Variants in RAD54B observed in about 807,000 individuals in gnomAD.
The protein encoded by RAD54B is RAD54 homolog B.
RAD54B carries 78 observed loss-of-function variants against 95.8 expected under a neutral mutation model. That is an observed-to-expected ratio of 0.81 (90% CI 0.68 to 0.98). The LOEUF (loss-of-function observed/expected upper bound fraction) is 0.98. RAD54B is among the 50% of genes least tolerant of loss of function. RAD54B has a pLI of 0.00. For missense variants in RAD54B, 957 were observed against 1,056.6 expected (o/e 0.91, Z 1.31); for synonymous variants, 328 against 354.9 (o/e 0.92, Z 0.85).
intron 11 of RAD54B, among the ~76,000 whole-genome samples, chr8:94,381,909 A>C (rs1361509106): frequency 6.6e-6 from 1 of 151,978 alleles, no homozygotes; most frequent in Admixed American, 6.6e-5. Flanking sequence ...GTCAGAAGAT[A>C]GAGACCATCC....
chr8:94,443,487 A>G (rs1812448023), intron 3 of RAD54B, among the ~76,000 whole-genome samples: 1 of 152,092 alleles, frequency 6.6e-6, no homozygotes, highest in Admixed American at 6.5e-5. Flanking sequence ...TAAGAAAAAT[A>G]ATAATAGTAA....
intron 10 of RAD54B, among the ~76,000 whole-genome samples, chr8:94,389,648 A>T (rs1810968852): frequency 6.6e-6 from 1 of 152,226 alleles, no homozygotes; most frequent in Non-Finnish European, 1.5e-5. Context: ...TAACATCTTA[A>T]TTGAACTTGG....
chr8:94,427,015 T>C (rs558135625), intron 3 of RAD54B, among the ~76,000 whole-genome samples: 10 of 152,150 alleles, frequency 6.6e-5, no homozygotes, highest in Non-Finnish European at 1.2e-4. Flanking sequence ...AGCAAAACAT[T>C]AATTGCAGAA....
At chr8:94,471,061 A>G (rs908563258) in intron 1 of RAD54B, among the ~76,000 whole-genome samples, 2 of 152,070 alleles carry the variant, frequency 1.3e-5, no homozygotes, top group African/African-American at 4.8e-5. Context: ...AGCCCTCTTC[A>G]TCTCCTCCCA....
At chr8:94,461,641 T>C (rs1185111490) in intron 2 of RAD54B, among the ~76,000 whole-genome samples, 2 of 152,216 alleles carry the variant, frequency 1.3e-5, no homozygotes, top group African/African-American at 4.8e-5. Flanking sequence ...TTCAAATTCA[T>C]GGTAACATTC....
chr8:94,454,908 T>A (rs1812746347), intron 3 of RAD54B, among the ~76,000 whole-genome samples: 1 of 152,138 alleles, frequency 6.6e-6, no homozygotes, highest in African/African-American at 2.4e-5. Context: ...TAAGAAACAT[T>A]TAGCTAACTT....
Position 94,469,290 on chromosome 8 carries a change from G to A in RAD54B, c.-16-1735C>T, listed in dbSNP as rs75428867. Among the ~76,000 whole-genome samples the A allele has an allele frequency of 5.5e-3, 835 of 152,214 alleles. 8 individuals carry two copies. Among genetic ancestry groups the A allele is most frequent in the African/African-American group, 0.019 (801 of 41,518 alleles). ...CATGTCAAGGGCAGGGCCTATTCTC[G>A]TGGTAGTGACTAAGTCTCACGAGAT... On this transcript the variant is annotated intron_variant, in intron 1 of 14. Transcript: ENST00000336148.
At chr8:94,460,917 CTTATAA>C (rs939672574) in intron 2 of RAD54B, among the ~76,000 whole-genome samples, 1 of 152,074 alleles carries the variant, frequency 6.6e-6, no homozygotes, top group Non-Finnish European at 1.5e-5. Flanking sequence ...TCTAAGGACA[CTTATAA>C]TTATAATGGG....
chr8:94,380,424 A>G lies in RAD54B; in HGVS notation c.1986-18T>C. On this transcript the variant is annotated intron_variant, in intron 11 of 14. Coordinates refer to ENST00000336148, the MANE Select transcript of RAD54B (RefSeq NM_012415.3). ...ACACCACCCTGTCAATCAAAAAGAA[A>G]GATTCTTTAGATAAATTTAAAGGCA... The G allele has an allele frequency of 1.3e-6, 2 of 1,562,860 alleles. No individual in the cohort carries two copies. Among genetic ancestry groups the G allele is most frequent in the Non-Finnish European group, 1.7e-6 (2 of 1,155,602 alleles).
chr8:94,446,925 T>A (rs1812536240), intron 3 of RAD54B, among the ~76,000 whole-genome samples: 1 of 150,678 alleles, frequency 6.6e-6, no homozygotes, highest in African/African-American at 2.5e-5. Context: ...AAGGGGCACA[T>A]AAGATTATGT....
intron 3 of RAD54B, among the ~76,000 whole-genome samples, chr8:94,453,371 A>C (rs1259321550): frequency 6.6e-6 from 1 of 152,156 alleles, no homozygotes; most frequent in East Asian, 1.9e-4. Context: ...TCTACTAAAA[A>C]TACAAAAAAA....
chr8:94,430,895 T>C (rs1352749580), intron 3 of RAD54B: 1 of 985,286 alleles, frequency 1.0e-6, no homozygotes, highest in East Asian at 1.1e-4. Context: ...CTCTCTACAT[T>C]CACTTAAAAT....
At position 94,386,970 on chromosome 8, in the gene RAD54B, T is replaced by C. The variant is rs745868273; in HGVS notation, c.1985+14A>G. The C allele has an allele frequency of 1.1e-5, 17 of 1,578,932 alleles. No individual in the cohort carries two copies. The Middle Eastern group carries it at 6.7e-4, about 63-fold the overall frequency. ...ACTCTATGAGCACTTATAAGTTTGT[T>C]AAATCGATCTTACTTTTCAGTAGGT... On this transcript the variant is annotated intron_variant, in intron 11 of 14. Transcript: ENST00000336148.
chr8:94,418,691 G>A (rs1049196537), intron 3 of RAD54B, among the ~76,000 whole-genome samples: 1 of 152,088 alleles, frequency 6.6e-6, no homozygotes, highest in Non-Finnish European at 1.5e-5. Context: ...TTTTGAGAAC[G>A]TCGAATAAAT....
At chr8:94,467,628 A>G in intron 1 of RAD54B, 73 bp from the exon 2 acceptor site, 1 of 1,432,312 alleles carries the variant, frequency 7.0e-7, no homozygotes, top group East Asian at 2.3e-5. Flanking sequence ...AAATAGCTCA[A>G]AACTACAACT....
At chr8:94,376,789 TTA>T (rs1419815383) in intron 14 of RAD54B, among the ~76,000 whole-genome samples, 2 of 149,358 alleles carry the variant, frequency 1.3e-5, no homozygotes, top group Non-Finnish European at 3.0e-5. Context: ...CATATATAAT[TTA>T]TATGACAAAT....
chr8:94,378,117 T>C, intron 14 of RAD54B, 63 bp downstream of exon 14: 1 of 1,238,494 alleles, frequency 8.1e-7, no homozygotes, highest in Non-Finnish European at 1.1e-6. Context: ...TTAAATATTT[T>C]CAACTGCTAA....
At chr8:94,436,297 C>G (rs1346776016) in intron 3 of RAD54B, among the ~76,000 whole-genome samples, 6 of 152,114 alleles carry the variant, frequency 3.9e-5, no homozygotes, top group Non-Finnish European at 7.4e-5. Flanking sequence ...GAGGGGAAGA[C>G]AGTAAAAAGT....
chr8:94,400,769 TA>T (rs1271170584), intron 6 of RAD54B, among the ~76,000 whole-genome samples: 1 of 152,194 alleles, frequency 6.6e-6, no homozygotes, highest in Non-Finnish European at 1.5e-5. Flanking sequence ...AATTTAACTA[TA>T]ACTGTGTTTC....
Sources: gnomAD v4.1 joint callset for allele counts (sites outside exome capture counted in the v4.1 genomes callset) on GRCh38, gnomAD v4.1.1 for gene constraint, MANE v1.5 for transcripts, NCBI Gene and HGNC (gene_info 2026-07-23, HGNC 2026-07-21) for gene names.